Variants in SMG6 observed in about 807,000 individuals in gnomAD.
SMG6 encodes the protein SMG6 nonsense mediated mRNA decay factor, also known as telomerase-binding protein EST1A.
A neutral mutation model predicts 142.2 loss-of-function variants in SMG6; 66 were observed. The ratio of observed to expected loss-of-function variants is 0.46; its 90% CI spans 0.38 to 0.57. SMG6 has a LOEUF of 0.57. SMG6 is among the 20% of genes least tolerant of loss of function. SMG6 has a pLI of 0.00. For synonymous variants in SMG6, 779 were observed against 702.4 expected, an observed-to-expected ratio of 1.11 and a Z score of -1.72; for missense variants, 1,793 against 1,832.0, an observed-to-expected ratio of 0.98 and a Z score of 0.39.
intron 13 of SMG6, among the ~76,000 whole-genome samples, chr17:2,116,851 A>G (rs904072264): frequency 7.7e-6 from 1 of 129,452 alleles, no homozygotes; most frequent in Non-Finnish European, 1.6e-5. Flanking sequence ...GAAAAAAAAA[A>G]CACCCTATAA....
At chr17:2,166,845 C>G (rs187666924) in intron 13 of SMG6, among the ~76,000 whole-genome samples, 2 of 152,178 alleles carry the variant, frequency 1.3e-5, no homozygotes, top group Admixed American at 1.3e-4. Context: ...GGGACTGAGG[C>G]CAGGCACAGT....
intron 12 of SMG6, among the ~76,000 whole-genome samples, chr17:2,173,686 C>T (rs953754886): frequency 3.9e-5 from 6 of 152,060 alleles, no homozygotes; most frequent in Non-Finnish European, 8.8e-5. Context: ...CCTGGCTGAA[C>T]CTGAGAAGAA....
At chr17:2,180,712 G>C (rs1234930803) in intron 12 of SMG6, among the ~76,000 whole-genome samples, 1 of 152,144 alleles carries the variant, frequency 6.6e-6, no homozygotes, top group Admixed American at 6.5e-5. Context: ...CATAAGGAAA[G>C]AGGGTAACAA....
chr17:2,163,032 A>G (rs894586564), intron 13 of SMG6, among the ~76,000 whole-genome samples: 2 of 151,960 alleles, frequency 1.3e-5, no homozygotes, highest in Non-Finnish European at 2.9e-5. Flanking sequence ...AGGTCTCATT[A>G]TATTGCCCAG....
intron 13 of SMG6, among the ~76,000 whole-genome samples, chr17:2,127,065 G>T (rs1447924686): frequency 6.6e-6 from 1 of 151,134 alleles, no homozygotes; most frequent in Non-Finnish European, 1.5e-5. Flanking sequence ...CTTGGGCTTG[G>T]GAGTTCGAGG....
chr17:2,157,484 A>C (rs1481284715), intron 13 of SMG6, among the ~76,000 whole-genome samples: 1 of 152,224 alleles, frequency 6.6e-6, no homozygotes, highest in Non-Finnish European at 1.5e-5. Context: ...GAGGGTAAAC[A>C]GATTTTGGTA....
chr17:2,297,602 A>G (rs779249968), intron 3 of SMG6, among the ~76,000 whole-genome samples: 24 of 151,910 alleles, frequency 1.6e-4, no homozygotes, highest in Non-Finnish European at 3.4e-4. Context: ...TCTCCACACA[A>G]ACACAAACAC....
chr17:2,239,902 A>C (rs1461989169), intron 9 of SMG6: 1 of 152,234 alleles, frequency 6.6e-6, no homozygotes, highest in Non-Finnish European at 1.5e-5. Flanking sequence ...CTAGGCAAGC[A>C]AGTAAAAGCT....
At chr17:2,208,131 T>C (rs1030921279) in intron 10 of SMG6, among the ~76,000 whole-genome samples, 1 of 151,994 alleles carries the variant, frequency 6.6e-6, no homozygotes, top group African/African-American at 2.4e-5. Context: ...CGTGTCTCTC[T>C]AAAATAAATA....
intron 13 of SMG6, among the ~76,000 whole-genome samples, chr17:2,116,752 A>G (rs888812761): frequency 2.0e-5 from 3 of 152,104 alleles, no homozygotes; most frequent in African/African-American, 7.2e-5. Flanking sequence ...TGCCTCAAAA[A>G]AATAAAAACC....
intron 6 of SMG6, among the ~76,000 whole-genome samples, chr17:2,289,573 A>G (rs746984992): frequency 2.0e-5 from 3 of 152,034 alleles, no homozygotes; most frequent in Admixed American, 6.6e-5. Flanking sequence ...ATATATACAC[A>G]CATATATATG....
Position 2,068,642 on chromosome 17 carries a change from T to A in SMG6, c.3835+136A>T. 2.4e-6 allele frequency: 2 copies of A among 848,516 alleles called. No individual in the cohort carries two copies. Among genetic ancestry groups the A allele is most frequent in the Non-Finnish European group, 3.6e-6 (2 of 557,298 alleles). 52.6% of individuals were successfully genotyped at this position (848,516 alleles called of 1,614,324 possible). ...TAAACAGTTTTCTTTGCCCCACGCGTTCCCTACTCCCCTGCAAATCCCATC... is the reference window on the plus strand; with the variant it reads ...TAAACAGTTTTCTTTGCCCCACGCGATCCCTACTCCCCTGCAAATCCCATC... On this transcript the variant is annotated intron_variant, in intron 16 of 18. Coordinates refer to ENST00000263073, the MANE Select transcript of SMG6 (RefSeq NM_017575.5). This position sits in a 1 kb window ranked among gnomAD's most constrained non-coding sequence, Gnocchi z 6.7.
chr17:2,188,317 G>A (rs1458875737), intron 11 of SMG6, 82 bp downstream of exon 11: 42 of 1,145,442 alleles, frequency 3.7e-5, no homozygotes, highest in South Asian at 1.2e-4. Context: ...AGAAGACACC[G>A]AGAAAACAGC....
chr17:2,267,714 T>C (rs2151348723), intron 8 of SMG6, among the ~76,000 whole-genome samples: 1 of 151,176 alleles, frequency 6.6e-6, no homozygotes, highest in South Asian at 2.1e-4. Context: ...TTTTAATGTA[T>C]TTACTTATTT....
At chr17:2,158,108 A>G (rs928858923) in intron 13 of SMG6, among the ~76,000 whole-genome samples, 15 of 152,248 alleles carry the variant, frequency 9.9e-5, no homozygotes, top group Non-Finnish European at 1.5e-5. Context: ...CATGTGAGAA[A>G]TAAAAAGGAA....
At chr17:2,109,947 G>A (rs2069263688) in intron 13 of SMG6, among the ~76,000 whole-genome samples, 2 of 152,040 alleles carry the variant, frequency 1.3e-5, no homozygotes, top group African/African-American at 4.8e-5. Flanking sequence ...GCCAGGCGTG[G>A]TGGTGCACGT....
At chr17:2,163,420 TCCTCCCACCTTGG>T (rs1239904712) in intron 13 of SMG6, among the ~76,000 whole-genome samples, 1 of 152,158 alleles carries the variant, frequency 6.6e-6, no homozygotes, top group Non-Finnish European at 1.5e-5. Context: ...GCTCAGGTGA[TCCTCCCACCTTGG>T]CCTCCCAAAG....
Position 2,174,249 on chromosome 17 carries a change from G to T in SMG6, c.3156-1390C>A, listed in dbSNP as rs558345373. ...CCCTCTTGCTAAAAACAACAAAGAA[G>T]AATCATCCTGGAATCTCCCCAGTGG... is the stretch of plus-strand genomic sequence containing the variant. On this transcript the variant is annotated intron_variant, in intron 12 of 18. Transcript: ENST00000263073. 2.4e-3 allele frequency among the ~76,000 whole-genome samples: 369 copies of T among 152,260 alleles called. 1 individual carries two copies. The highest frequency in any genetic ancestry group is 8.1e-3 in the African/African-American group (338 of 41,560).
intron 15 of SMG6, among the ~76,000 whole-genome samples, chr17:2,075,068 C>T (rs2068218763): frequency 6.6e-6 from 1 of 152,238 alleles, no homozygotes; most frequent in African/African-American, 2.4e-5. Context: ...GCTTTCCTGC[C>T]TTGACGTGAA....
Sources: allele counts gnomAD v4.1 joint callset (sites outside exome capture counted in the v4.1 genomes callset), GRCh38; gene constraint gnomAD v4.1.1; non-coding constraint Gnocchi (gnomAD v3.1); transcripts MANE v1.5; gene names NCBI Gene and HGNC (gene_info 2026-07-23, HGNC 2026-07-21).